FANCI: variants seen among roughly 807,000 people sequenced by gnomAD.
FANCI encodes the protein Fanconi anemia group I protein.
FANCI carries 156 observed loss-of-function variants against 176.1 expected under a neutral mutation model. The observed-to-expected ratio is 0.89, with a 90% CI of 0.78 to 1.01. The LOEUF (loss-of-function observed/expected upper bound fraction) is 1.01, where lower values mean the gene tolerates loss of function less well. Among genes scored for constraint, FANCI ranks in the 50% least tolerant of loss-of-function variants. The pLI is 0.00. For missense variants in FANCI, 1,678 were observed against 1,534.1 expected, an observed-to-expected ratio of 1.09 and a Z score of -1.57; for synonymous variants, 613 against 541.7, an observed-to-expected ratio of 1.13 and a Z score of -1.83.
intron 10 of FANCI, 119 bp from the exon 11 acceptor site, chr15:89,273,258 T>C: frequency 1.5e-6 from 1 of 647,138 alleles, no homozygotes; most frequent in East Asian, 2.9e-5. Flanking sequence ...GAGCTATGAT[T>C]GCATCACTGC....
chr15:89,303,944 G>A, intron 28 of FANCI, 29 bp downstream of exon 28: 1 of 1,607,662 alleles, frequency 6.2e-7, no homozygotes, highest in Non-Finnish European at 8.5e-7. Flanking sequence ...TTTCCTAAAG[G>A]CTTTATATAA....
In FANCI at chr15:89,285,138, G is replaced by A. The variant is rs768875486; in HGVS notation, c.1741G>A (p.Glu581Lys). The change falls in exon 18 of 38, where the codon GAA becomes AAA. Residue 581 changes from glutamate (E) to lysine (K), a missense_variant. Coordinates refer to ENST00000310775, the MANE Select transcript of FANCI (RefSeq NM_001113378.2). ...VHSHYNSVAN[E>K]TFCLEIMDSL... ...CAGCCATTACAATTCTGTCGCCAATGAAACTTTTTGCCTTGAGATCATGGA... is the reference window on the plus strand; with the variant it reads ...CAGCCATTACAATTCTGTCGCCAATAAAACTTTTTGCCTTGAGATCATGGA... 12 of 1,614,070 alleles carry A rather than the reference G, an allele frequency of 7.4e-6. No homozygotes were observed. In the East Asian group the frequency reaches 1.8e-4, roughly 24 times the overall value.
intron 22 of FANCI, 130 bp downstream of exon 22, chr15:89,293,193 A>G (rs1006836834): frequency 1.7e-5 from 16 of 960,324 alleles, no homozygotes; most frequent in South Asian, 8.4e-5. Context: ...ATGAGCACCT[A>G]GTCTAAGACT....
intron 24 of FANCI, among the ~76,000 whole-genome samples, chr15:89,296,748 TCCTCACTTCCCAGTAGGGGCC>T (rs1339070841): frequency 6.6e-6 from 1 of 151,586 alleles, no homozygotes; most frequent in Non-Finnish European, 1.5e-5. Context: ...GCAGAGGGGC[TCCTCACTTCCCAGTAGGGGCC>T]CCTCACCTCC....
At chr15:89,260,674 G>T in intron 3 of FANCI, 39 bp from the exon 4 acceptor site, 1 of 1,609,254 alleles carries the variant, frequency 6.2e-7, no homozygotes, top group Non-Finnish European at 8.5e-7. Flanking sequence ...TGTCAATGTT[G>T]TAAGACTTGT....
intron 16 of FANCI, chr15:89,282,500 A>T (rs1447030966): frequency 2.5e-5 from 4 of 162,682 alleles, no homozygotes; most frequent in Admixed American, 1.7e-4. Context: ...TGGTACTTTG[A>T]GGATAAGATG....
chr15:89,285,326 GTAGTCAGCACCAGTAGC>G, intron 18 of FANCI, 108 bp downstream of exon 18: 1 of 1,434,990 alleles, frequency 7.0e-7, no homozygotes, highest in Non-Finnish European at 9.6e-7. Context: ...CTTACTTGAT[GTAGTCAGCACCAGTAGC>G]TAGTGATGTT....
chr15:89,264,976 G>C (rs1391658485), intron 9 of FANCI, among the ~76,000 whole-genome samples: 1 of 152,164 alleles, frequency 6.6e-6, no homozygotes, highest in Non-Finnish European at 1.5e-5. Context: ...CAAGAAAAAT[G>C]TTATAGTAAA....
chr15:89,279,734 GGAATT>G (rs1358127769), intron 14 of FANCI, among the ~76,000 whole-genome samples: 2 of 152,052 alleles, frequency 1.3e-5, no homozygotes, highest in African/African-American at 4.8e-5. Flanking sequence ...CCTGGAGGCT[GGAATT>G]ACCTTTTATT....
chr15:89,316,854 A>G lies in FANCI; in HGVS notation c.*395A>G. 6.5e-7 allele frequency: 1 copy of G among 1,534,598 alleles called. No homozygotes were observed. The highest frequency in any genetic ancestry group is 2.2e-5 in the East Asian group (1 of 44,518). ...TGAAAGATAGTGCAAATTGGTTAGGATGCCACCTCAAGAACTGTAACTGAG... is the reference window on the plus strand; with the variant it reads ...TGAAAGATAGTGCAAATTGGTTAGGGTGCCACCTCAAGAACTGTAACTGAG... On this transcript the variant is annotated 3_prime_UTR_variant, in exon 38 of 38. Transcript: ENST00000310775.
At position 89,306,076 on chromosome 15, in the gene FANCI, C is replaced by T. The variant is rs142969866; in HGVS notation, c.3419C>T (p.Thr1140Ile). ...VEKAIIMQLGTLLTFFHELVQ... is the reference protein window; with the variant it reads ...VEKAIIMQLGILLTFFHELVQ... ...AAAGCTATCATCATGCAACTGGGAA[C>T]TCTGCTTACATTTTTCCACGAGCTG... The change falls in exon 32 of 38, where the codon ACT becomes ATT. Residue 1140 changes from threonine (T) to isoleucine (I), a missense_variant. Around this residue, in one of 3 missense-constraint regions of FANCI, gnomAD observed 1,204 missense variants for 1,077.4 expected, o/e 1.12. Transcript: ENST00000310775. The T allele has an allele frequency of 2.6e-5, 42 of 1,614,226 alleles. No homozygotes were observed. In the African/African-American group the frequency reaches 4.8e-4, roughly 18 times the overall value.
intron 26 of FANCI, 27 bp downstream of exon 26, chr15:89,300,412 C>G (rs1270881338): frequency 1.9e-6 from 3 of 1,599,508 alleles, no homozygotes; most frequent in Non-Finnish European, 8.6e-7. Flanking sequence ...AGCTGCTGTA[C>G]TGGCCTGAGA....
At chr15:89,265,482 C>T (rs1332423741) in intron 9 of FANCI, among the ~76,000 whole-genome samples, 2 of 152,066 alleles carry the variant, frequency 1.3e-5, no homozygotes, top group Admixed American at 6.5e-5. Flanking sequence ...GCTGGGATTA[C>T]AGACATGAGC....
chr15:89,293,732 A>G (rs538032678), intron 22 of FANCI, 101 bp from the exon 23 acceptor site: 2 of 1,137,924 alleles, frequency 1.8e-6, no homozygotes, highest in Non-Finnish European at 1.3e-6. Flanking sequence ...TTACGTCTAA[A>G]ATATGACATT....
Position 89,316,530 on chromosome 15 carries a change from TTGTCC to T in FANCI, c.*75_*79del. 1 of 1,468,324 alleles carries T rather than the reference TTGTCC, an allele frequency of 6.8e-7. No individual in the cohort carries two copies. The highest frequency in any genetic ancestry group is 1.2e-5 in the South Asian group (1 of 83,914). 91.0% of individuals were successfully genotyped at this position (1,468,324 alleles called of 1,614,324 possible). A position where few individuals can be genotyped will look rare whatever the true frequency, so the allele number is the denominator to read the frequency against. On this transcript the variant is annotated 3_prime_UTR_variant, in exon 38 of 38. Transcript: ENST00000310775. Reference sequence around the variant, plus strand: ...TTTACCCAACAAGCAACAATGCCCCTTGTCCTGTAGTCCACACCGATGTTGGCATC... The same window carrying T: ...TTTACCCAACAAGCAACAATGCCCCTTGTAGTCCACACCGATGTTGGCATC...
intron 2 of FANCI, 58 bp downstream of exon 2, chr15:89,247,789 A>G: frequency 1.4e-6 from 2 of 1,469,992 alleles, no homozygotes; most frequent in Non-Finnish European, 1.9e-6. Flanking sequence ...TGACACATTC[A>G]AAGGACATGT....
chr15:89,276,153 T>C (rs2053403508), intron 12 of FANCI, among the ~76,000 whole-genome samples: 1 of 152,254 alleles, frequency 6.6e-6, no homozygotes, highest in African/African-American at 2.4e-5. Context: ...TTAAGTGGTA[T>C]AAAACCACCA....
rs1299091267 is a variant in FANCI, at chr15:89,290,205, C to G, written c.1822-8C>G. ...AAGTGCTTATTTCTTCTCTTTGATT[C>G]CTCTTAGGGGTTTTATGATGTTCTT... On this transcript the variant is annotated splice_polypyrimidine_tract_variant and splice_region_variant and intron_variant, in intron 18 of 37. Coordinates refer to ENST00000310775, the MANE Select transcript of FANCI (RefSeq NM_001113378.2). 3 of 1,610,576 alleles carry G rather than the reference C, an allele frequency of 1.9e-6. No individual in the cohort carries two copies. The highest frequency in any genetic ancestry group is 1.7e-6 in the Non-Finnish European group (2 of 1,176,924).
At chr15:89,257,262 A>G (rs146994349) in intron 2 of FANCI, among the ~76,000 whole-genome samples, 2 of 152,098 alleles carry the variant, frequency 1.3e-5, no homozygotes, top group South Asian at 4.1e-4. Flanking sequence ...AGGAATTTCT[A>G]TTCTTAGTTC....
Sources: allele counts gnomAD v4.1 joint callset (sites outside exome capture counted in the v4.1 genomes callset), GRCh38; gene constraint gnomAD v4.1.1; regional missense constraint gnomAD v4.1.1; transcripts MANE v1.5; gene names NCBI Gene and HGNC (gene_info 2026-07-23, HGNC 2026-07-21).